Variants in ERICH5 observed in about 807,000 individuals in gnomAD.
ERICH5 encodes the protein glutamate-rich protein 5.
Under a neutral mutation model 28.0 loss-of-function variants are expected in ERICH5, and 24 were observed. The ratio of observed to expected loss-of-function variants is 0.86; its 90% CI spans 0.62 to 1.21. The LOEUF (loss-of-function observed/expected upper bound fraction) is 1.21, where lower values mean the gene tolerates loss of function less well. ERICH5 is among the 50% of genes most tolerant of loss of function. The probability of loss-of-function intolerance (pLI) is 0.00; values close to 1 mark genes in which losing one functional copy is unlikely to be tolerated. For synonymous variants in ERICH5, 163 were observed against 157.6 expected, an observed-to-expected ratio of 1.03 and a Z score of -0.25; for missense variants, 421 against 441.2, an observed-to-expected ratio of 0.95 and a Z score of 0.41.
At chr8:98,077,750 T>C (rs1036069128) in intron 1 of ERICH5, among the ~76,000 whole-genome samples, 13 of 152,172 alleles carry the variant, frequency 8.5e-5, no homozygotes, top group African/African-American at 3.1e-4. Context: ...TTTTTCTTTC[T>C]GTAGAGATGA....
At position 98,075,357 on chromosome 8, in the gene ERICH5, C is replaced by T. The variant is rs1008756904; in HGVS notation, c.58+10630C>T. Among the ~76,000 whole-genome samples, 5 of 152,168 alleles carry T rather than the reference C, an allele frequency of 3.3e-5. 1 individual carries two copies. In the South Asian group the frequency reaches 8.3e-4, roughly 25 times the overall value. On this transcript the variant is annotated intron_variant, in intron 1 of 2. Coordinates refer to ENST00000318528, the MANE Select transcript of ERICH5 (RefSeq NM_173549.3). Reference sequence around the variant, plus strand: ...TTATGCTTTGCTTTATGAAGAAGCTCGTTCAATTCAGTTTTCAAATGTTTA... The same window carrying T: ...TTATGCTTTGCTTTATGAAGAAGCTTGTTCAATTCAGTTTTCAAATGTTTA...
Position 98,089,838 on chromosome 8 carries a change from G to C in ERICH5, c.821G>C (p.Ser274Thr), listed in dbSNP as rs1248781028. The C allele has an allele frequency of 1.9e-6, 3 of 1,614,068 alleles. No homozygotes were observed. The African/African-American group carries it at 4.0e-5, about 22-fold the overall frequency. The change falls in exon 2 of 3, where the codon AGT (serine) becomes ACT (threonine). Residue 274 changes from serine to threonine, a missense_variant. By Grantham distance (58) the Ser-to-Thr change is moderately conservative. Transcript: ENST00000318528. ...ENVTPEVLDR[S>T]QLVEKPVMND... Reference sequence around the variant, plus strand: ...GTAACACCAGAAGTATTGGACAGAAGTCAGCTTGTGGAAAAGCCTGTTATG... The same window carrying C: ...GTAACACCAGAAGTATTGGACAGAACTCAGCTTGTGGAAAAGCCTGTTATG...
chr8:98,093,510 C>A lies in ERICH5; in HGVS notation c.*177C>A. On this transcript the variant is annotated 3_prime_UTR_variant, in exon 3 of 3. Coordinates refer to ENST00000318528, the MANE Select transcript of ERICH5 (RefSeq NM_173549.3). ...CTGTGTTCTTGATTATATTGTTCTG[C>A]AAAACTGCTAAGCCATGAACAGTTT... 2.2e-6 allele frequency: 1 copy of A among 457,146 alleles called. No homozygotes were observed. The highest frequency in any genetic ancestry group is 3.9e-6 in the Non-Finnish European group (1 of 258,158). 28.3% of individuals were successfully genotyped at this position (457,146 alleles called of 1,614,324 possible).
chr8:98,093,161 G>A (rs1204319032), intron 2 of ERICH5, 60 bp from the exon 3 acceptor site: 5 of 1,215,032 alleles, frequency 4.1e-6, no homozygotes, highest in Non-Finnish European at 6.0e-6. Flanking sequence ...CAAACTGTGG[G>A]ATAATTTATG....
At chr8:98,070,554 G>A (rs1000760546) in intron 1 of ERICH5, among the ~76,000 whole-genome samples, 57 of 148,128 alleles carry the variant, frequency 3.8e-4, no homozygotes, top group African/African-American at 1.3e-3. Context: ...GCTGATGCCT[G>A]TAATCCCAGC....
intron 1 of ERICH5, among the ~76,000 whole-genome samples, chr8:98,066,911 C>T (rs534521963): frequency 6.6e-6 from 1 of 152,310 alleles, no homozygotes; most frequent in Admixed American, 6.5e-5. Context: ...TAGACAAAAA[C>T]AGTTCAAGTT....
At chr8:98,079,710 T>C (rs1246758413) in intron 1 of ERICH5, among the ~76,000 whole-genome samples, 1 of 152,110 alleles carries the variant, frequency 6.6e-6, no homozygotes, top group African/African-American at 2.4e-5. Context: ...GGCTAATTTT[T>C]TGTATTTTTA....
intron 1 of ERICH5, among the ~76,000 whole-genome samples, chr8:98,065,370 A>T (rs576124420): frequency 8.5e-5 from 13 of 152,334 alleles, no homozygotes; most frequent in Middle Eastern, 3.4e-3. Flanking sequence ...GGTCAGACAC[A>T]CTTTCCCCTA....
intron 1 of ERICH5, among the ~76,000 whole-genome samples, chr8:98,076,246 A>G (rs954549480): frequency 6.6e-6 from 1 of 151,660 alleles, no homozygotes; most frequent in Non-Finnish European, 1.5e-5. Context: ...TACAGACGGG[A>G]TTTCACTATG....
intron 1 of ERICH5, among the ~76,000 whole-genome samples, chr8:98,075,140 C>T (rs1815025261): frequency 1.3e-5 from 2 of 152,104 alleles, no homozygotes. Context: ...CACATCATCT[C>T]AAAGGTACAT....
At chr8:98,081,076 C>T (rs1815175670) in intron 1 of ERICH5, among the ~76,000 whole-genome samples, 1 of 151,608 alleles carries the variant, frequency 6.6e-6, no homozygotes, top group Admixed American at 6.6e-5. Context: ...GTTTGTACAT[C>T]ATAATTTCTT....
intron 1 of ERICH5, among the ~76,000 whole-genome samples, chr8:98,066,448 G>A (rs1190651585): frequency 6.6e-6 from 1 of 152,050 alleles, no homozygotes; most frequent in Admixed American, 6.6e-5. Flanking sequence ...GTAACTTTGG[G>A]GCAAAAGTAT....
intron 1 of ERICH5, 104 bp downstream of exon 1, chr8:98,064,831 G>A: frequency 1.2e-6 from 1 of 858,526 alleles, no homozygotes; most frequent in Middle Eastern, 3.7e-4. Flanking sequence ...CGCCTGGCAG[G>A]AGCCGGGCCT....
chr8:98,075,372 T>G (rs886562958), intron 1 of ERICH5, among the ~76,000 whole-genome samples: 14 of 152,362 alleles, frequency 9.2e-5, no homozygotes, highest in African/African-American at 3.4e-4. Flanking sequence ...AATTCAGTTT[T>G]CAAATGTTTA....
At chr8:98,084,700 G>A (rs1238119467) in intron 1 of ERICH5, among the ~76,000 whole-genome samples, 1 of 152,102 alleles carries the variant, frequency 6.6e-6, no homozygotes, top group African/African-American at 2.4e-5. Context: ...TTAAAATCCA[G>A]ATTGGATTGA....
intron 1 of ERICH5, among the ~76,000 whole-genome samples, chr8:98,075,310 C>A (rs1192630648): frequency 1.3e-5 from 2 of 152,190 alleles, no homozygotes; most frequent in African/African-American, 4.8e-5. Context: ...GTCAAACCTA[C>A]TTCCTAAGTT....
intron 1 of ERICH5, among the ~76,000 whole-genome samples, chr8:98,068,422 C>T (rs559036381): frequency 5.9e-5 from 9 of 152,250 alleles, no homozygotes; most frequent in African/African-American, 1.4e-4. Context: ...AGTCACACAT[C>T]GATTTTTATG....
intron 1 of ERICH5, among the ~76,000 whole-genome samples, chr8:98,074,871 C>T (rs1427335150): frequency 6.6e-6 from 1 of 152,112 alleles, no homozygotes; most frequent in African/African-American, 2.4e-5. Context: ...CTTAGTTTTT[C>T]TCTAATGTCC....
intron 1 of ERICH5, among the ~76,000 whole-genome samples, chr8:98,073,715 G>A (rs1293787380): frequency 6.7e-6 from 1 of 148,594 alleles, no homozygotes; most frequent in Non-Finnish European, 1.5e-5. Context: ...GCTAATTTTT[G>A]TATATTTAGT....
Sources: gnomAD v4.1 joint callset for allele counts (sites outside exome capture counted in the v4.1 genomes callset) on GRCh38, gnomAD v4.1.1 for gene constraint, MANE v1.5 for transcripts, NCBI Gene and HGNC (gene_info 2026-07-23, HGNC 2026-07-21) for gene names.